The following TRAPPC9 variants were observed in gnomAD, a reference collection of about 807,000 sequenced individuals.
TRAPPC9 encodes trafficking protein particle complex subunit 9, also known as IKK2 binding protein.
In TRAPPC9, 83 loss-of-function variants were observed where a neutral mutation model predicts 124.0. That is an observed-to-expected ratio of 0.67 (90% CI 0.56 to 0.80). The LOEUF is 0.80. TRAPPC9 is among the 30% of genes least tolerant of loss of function. The pLI, the probability that TRAPPC9 is intolerant of heterozygous loss-of-function variation, is 0.00. For missense variants in TRAPPC9, 1,302 were observed against 1,508.3 expected (o/e 0.86, Z 2.27); for synonymous variants, 638 against 617.5 (o/e 1.03, Z -0.49).
chr8:140,135,365 T>C (rs932383776), intron 17 of TRAPPC9, among the ~76,000 whole-genome samples: 1 of 152,132 alleles, frequency 6.6e-6, no homozygotes, highest in Non-Finnish European at 1.5e-5. Context: ...ATAGCAGCAT[T>C]AGTCACAATA....
At chr8:140,394,688 CCA>C (rs1229812022) in intron 7 of TRAPPC9, among the ~76,000 whole-genome samples, 1 of 152,168 alleles carries the variant, frequency 6.6e-6, no homozygotes, top group African/African-American at 2.4e-5. Context: ...CCTCTCTTCC[CCA>C]CACTGTCCCT....
intron 17 of TRAPPC9, among the ~76,000 whole-genome samples, chr8:140,200,941 G>T (rs1179231240): frequency 6.6e-6 from 1 of 152,204 alleles, no homozygotes; most frequent in Admixed American, 6.5e-5. Context: ...CATCTTTGCA[G>T]CTTTTCTGTA....
rs1242610145 is a variant in TRAPPC9 at position 140,258,898 on chromosome 8, CAA to C, written c.2279-5971_2279-5970del. ...CCTGGCCAACCTCCCCGTGAACCGCCAATACAGCTGAGATACTGAGGCCCTGT... is the reference window on the plus strand; with the variant it reads ...CCTGGCCAACCTCCCCGTGAACCGCCTACAGCTGAGATACTGAGGCCCTGT... On this transcript the variant is annotated intron_variant, in intron 15 of 22. Transcript: ENST00000438773. Among the ~76,000 whole-genome samples the C allele has an allele frequency of 2.0e-5, 3 of 152,332 alleles. No homozygotes were observed. The East Asian group carries it at 5.8e-4, about 29-fold the overall frequency.
intron 18 of TRAPPC9, among the ~76,000 whole-genome samples, chr8:140,014,154 G>A (rs973304042): frequency 6.6e-6 from 1 of 152,140 alleles, no homozygotes; most frequent in African/African-American, 2.4e-5. Context: ...ATGTCGTAAC[G>A]ATTACACCCC....
At chr8:139,877,349 G>A (rs141924905) in intron 21 of TRAPPC9, among the ~76,000 whole-genome samples, 18 of 152,352 alleles carry the variant, frequency 1.2e-4, no homozygotes, top group African/African-American at 4.3e-4. Flanking sequence ...AAAATAGACA[G>A]TCAGGGAGCA....
intron 19 of TRAPPC9, among the ~76,000 whole-genome samples, chr8:139,971,738 CATAT>C (rs35028992): frequency 2.6e-5 from 1 of 38,424 alleles, no homozygotes. Context: ...CACACACACA[CATAT>C]ATATATACAC....
chr8:140,196,709 AACAC>A (rs983039390), intron 17 of TRAPPC9, among the ~76,000 whole-genome samples: 6 of 150,050 alleles, frequency 4.0e-5, no homozygotes, highest in East Asian at 2.0e-4. Flanking sequence ...GTGTGACACA[AACAC>A]ACAACGATCC....
At position 139,910,312 on chromosome 8, in the gene TRAPPC9, G is replaced by A; in HGVS notation, c.2811-12C>T. On this transcript the variant is annotated splice_polypyrimidine_tract_variant and intron_variant, in intron 19 of 22. Coordinates refer to ENST00000438773, the MANE Select transcript of TRAPPC9 (RefSeq NM_001160372.4). ...CTTGAATAGCCATTCTACGAGAAAG[G>A]GGAAAACACAGCAGAGAATTCATCA... is the stretch of plus-strand genomic sequence containing the variant. 6.2e-7 allele frequency: 1 copy of A among 1,614,142 alleles called. No homozygotes were observed.
chr8:140,048,037 G>A (rs1308695315), intron 17 of TRAPPC9, among the ~76,000 whole-genome samples: 1 of 152,256 alleles, frequency 6.6e-6, no homozygotes, highest in African/African-American at 2.4e-5. Context: ...AAATGGCCCA[G>A]CAGAAGCTGG....
At chr8:140,409,266 CA>C (rs1485338006) in intron 5 of TRAPPC9, among the ~76,000 whole-genome samples, 3 of 151,836 alleles carry the variant, frequency 2.0e-5, no homozygotes, top group Non-Finnish European at 4.4e-5. Context: ...TGCCATTTGT[CA>C]CGTATCTAGT....
chr8:139,853,390 C>T (rs911981868), intron 21 of TRAPPC9, among the ~76,000 whole-genome samples: 1 of 152,168 alleles, frequency 6.6e-6, no homozygotes, highest in African/African-American at 2.4e-5. Context: ...TCCCCGCGCC[C>T]ATGGTACCTA....
Position 139,866,021 on chromosome 8 carries a change from G to A in TRAPPC9, c.3055+19858C>T, listed in dbSNP as rs563900984. On this transcript the variant is annotated intron_variant, in intron 21 of 22. Transcript: ENST00000438773. The stretch of plus-strand genomic sequence containing the variant: ...CAATTCCAAAGGGGTGGGGACATGG[G>A]GGGCCTTCCAGGCTATAGGTAAATG... Among the ~76,000 whole-genome samples the A allele has an allele frequency of 2.3e-3, 348 of 152,300 alleles. 1 individual carries two copies. Among genetic ancestry groups the A allele is most frequent in the Non-Finnish European group, 2.8e-3 (191 of 68,022 alleles).
intron 19 of TRAPPC9, among the ~76,000 whole-genome samples, chr8:139,948,659 G>A (rs546007086): frequency 2.0e-5 from 3 of 152,220 alleles, no homozygotes; most frequent in East Asian, 1.9e-4. Context: ...TTCCAATTAC[G>A]GCAACCCTGA....
At chr8:139,838,503 C>G (rs1226167923) in intron 21 of TRAPPC9, among the ~76,000 whole-genome samples, 2 of 152,208 alleles carry the variant, frequency 1.3e-5, no homozygotes, top group Non-Finnish European at 2.9e-5. Flanking sequence ...ATGGAAGGGC[C>G]CTTTCTGGTG....
chr8:139,767,043 C>T (rs1820631389), intron 21 of TRAPPC9, among the ~76,000 whole-genome samples: 2 of 152,192 alleles, frequency 1.3e-5, no homozygotes, highest in Non-Finnish European at 2.9e-5. Context: ...TGGACTGTGC[C>T]CCCTGCTATG....
intron 17 of TRAPPC9, among the ~76,000 whole-genome samples, chr8:140,117,037 G>A (rs2060901634): frequency 6.6e-6 from 1 of 152,076 alleles, no homozygotes; most frequent in South Asian, 2.1e-4. Context: ...AGGAGGAGGA[G>A]ATGTCCTCTC....
At chr8:139,832,239 C>A (rs1011153771) in intron 21 of TRAPPC9, among the ~76,000 whole-genome samples, 7 of 152,224 alleles carry the variant, frequency 4.6e-5, no homozygotes, top group Admixed American at 1.3e-4. Context: ...AGCAAAACGG[C>A]CTCTTTCTTC....
chr8:139,823,646 A>T (rs1377198695), intron 21 of TRAPPC9, among the ~76,000 whole-genome samples: 1 of 152,118 alleles, frequency 6.6e-6, no homozygotes, highest in African/African-American at 2.4e-5. Context: ...TCCCAGGTGG[A>T]AACAGAGACC....
intron 19 of TRAPPC9, among the ~76,000 whole-genome samples, chr8:139,970,903 C>T (rs1836017615): frequency 6.6e-6 from 1 of 152,018 alleles, no homozygotes; most frequent in African/African-American, 2.4e-5. Flanking sequence ...TGCCCCCTGT[C>T]GAACCCCCTC....
Sources: gnomAD v4.1 joint callset for allele counts (sites outside exome capture counted in the v4.1 genomes callset) on GRCh38, gnomAD v4.1.1 for gene constraint, MANE v1.5 for transcripts, NCBI Gene and HGNC (gene_info 2026-07-23, HGNC 2026-07-21) for gene names.